Variants in MAP3K13 observed in about 807,000 individuals in gnomAD.
The protein encoded by MAP3K13 is leucine zipper-bearing kinase.
Under a neutral mutation model 104.0 loss-of-function variants are expected in MAP3K13, and 52 were observed. The observed-to-expected ratio is 0.50, with a 90% CI of 0.40 to 0.63. The LOEUF is 0.63. Among genes scored for constraint, MAP3K13 ranks in the 20% least tolerant of loss-of-function variants. The pLI, the probability that MAP3K13 is intolerant of heterozygous loss-of-function variation, is 0.00. For missense variants in MAP3K13, 914 were observed against 1,218.5 expected, an observed-to-expected ratio of 0.75 and a Z score of 3.72; for synonymous variants, 394 against 442.2, an observed-to-expected ratio of 0.89 and a Z score of 1.37.
chr3:185,455,052 T>C (rs1171189224), intron 7 of MAP3K13, among the ~76,000 whole-genome samples: 1 of 94,710 alleles, frequency 1.1e-5, no homozygotes, highest in African/African-American at 3.8e-5. Flanking sequence ...ATATATGAGA[T>C]ATATGTGAGA....
Position 185,455,151 on chromosome 3 carries a change from G to GATATATATGATATATATGAGAT in MAP3K13, c.1278+3763_1278+3784dup, listed in dbSNP as rs1560118530. ...AGATATATATATGATATATATGTGA[G>GATATATATGATATATATGAGAT]ATATATATGATATATATGAGATATA... is the stretch of plus-strand genomic sequence containing the variant. On this transcript the variant is annotated intron_variant, in intron 7 of 13. Transcript: ENST00000265026. Among the ~76,000 whole-genome samples the GATATATATGATATATATGAGAT allele has an allele frequency of 3.4e-4, 17 of 49,560 alleles. 2 individuals carry two copies. The highest frequency in any genetic ancestry group is 9.3e-4 in the Admixed American group (3 of 3,230). The allele number at this position is 49,560 out of a possible 152,430, so 32.5% of individuals were successfully genotyped here.
chr3:185,311,843 A>C (rs1721505564), intron 2 of MAP3K13, among the ~76,000 whole-genome samples: 1 of 152,254 alleles, frequency 6.6e-6, no homozygotes, highest in East Asian at 1.9e-4. Context: ...AAAAAAAAGG[A>C]AACAGCCTAC....
chr3:185,339,599 G>T (rs150756706), intron 2 of MAP3K13, among the ~76,000 whole-genome samples: 16 of 152,274 alleles, frequency 1.1e-4, no homozygotes, highest in African/African-American at 3.6e-4. Flanking sequence ...TTTCTATAAA[G>T]GGCCACATAT....
At chr3:185,414,382 G>A (rs562705291) in intron 1 of MAP3K13, among the ~76,000 whole-genome samples, 1 of 152,048 alleles carries the variant, frequency 6.6e-6, no homozygotes, top group East Asian at 1.9e-4. Flanking sequence ...CTAGACGGTG[G>A]GAAAAGAAAA....
chr3:185,437,930 C>G (rs1275653021), intron 3 of MAP3K13, among the ~76,000 whole-genome samples: 1 of 152,166 alleles, frequency 6.6e-6, no homozygotes, highest in Non-Finnish European at 1.5e-5. Context: ...TCTGCTGCAT[C>G]AACCTCATTT....
intron 2 of MAP3K13, among the ~76,000 whole-genome samples, chr3:185,338,302 C>T (rs1184922525): frequency 6.8e-6 from 1 of 147,740 alleles, no homozygotes. Context: ...TGCATTCCAG[C>T]CTGGGTGACA....
rs142951861 is a variant in MAP3K13 at position 185,363,890 on chromosome 3, A to G, written c.-86+522A>G. 4.9e-3 allele frequency among the ~76,000 whole-genome samples: 753 copies of G among 152,226 alleles called. 5 individuals are homozygous for G. Among genetic ancestry groups the G allele is most frequent in the African/African-American group, 0.015 (639 of 41,556 alleles). On this transcript the variant is annotated intron_variant, in intron 1 of 13. Coordinates refer to ENST00000265026, the MANE Select transcript of MAP3K13 (RefSeq NM_004721.5). ...GGTGAAGATGAATACTTGTTCAACC[A>G]TTTTTCAAAAGCTCTTATGACGGGA... is the stretch of plus-strand genomic sequence containing the variant.
intron 2 of MAP3K13, among the ~76,000 whole-genome samples, chr3:185,325,459 A>G (rs1197466565): frequency 6.6e-6 from 1 of 152,178 alleles, no homozygotes; most frequent in Non-Finnish European, 1.5e-5. Flanking sequence ...GCCACCATTC[A>G]GCCTACTACA....
Position 185,418,773 on chromosome 3 carries a change from C to T in MAP3K13, c.-85-9724C>T, listed in dbSNP as rs1577534277. The T allele has an allele frequency of 1.9e-6, 3 of 1,601,848 alleles. No individual in the cohort carries two copies. The highest frequency in any genetic ancestry group is 2.2e-5 in the East Asian group (1 of 44,632). ...ACACCGATATCATTGGGCGAGCACA[C>T]GCCATGGCGGAGAGAGGAGACAGCC... On this transcript the variant is annotated intron_variant, in intron 1 of 13. Transcript: ENST00000265026. The surrounding 1 kb of genome is among the most constrained non-coding windows in gnomAD (Gnocchi z 4.5).
chr3:185,283,394 G>T (rs1720381393), intron 1 of MAP3K13, among the ~76,000 whole-genome samples: 1 of 152,146 alleles, frequency 6.6e-6, no homozygotes, highest in African/African-American at 2.4e-5. Context: ...GCTAATAGGG[G>T]ACAGGGACCT....
chr3:185,304,226 T>C (rs1721201928), intron 2 of MAP3K13, among the ~76,000 whole-genome samples: 1 of 152,250 alleles, frequency 6.6e-6, no homozygotes, highest in African/African-American at 2.4e-5. Context: ...ACTTGTCATG[T>C]GGCCTAACGT....
chr3:185,462,601 C>T (rs181617434), intron 7 of MAP3K13, among the ~76,000 whole-genome samples: 2 of 152,030 alleles, frequency 1.3e-5, no homozygotes, highest in Admixed American at 6.6e-5. Context: ...GGTGAAATCC[C>T]GCCTCTACTA....
At position 185,484,619 on chromosome 3, in the gene MAP3K13, T is replaced by G. The variant is rs1718636700; in HGVS notation, c.*2163T>G. On this transcript the variant is annotated 3_prime_UTR_variant, in exon 14 of 14. Coordinates refer to ENST00000265026, the MANE Select transcript of MAP3K13 (RefSeq NM_004721.5). ...TTGTTTACACTTTATGTTGATACAT[T>G]GATTTAAAATGTAGTGTCTGTGATT... The G allele has an allele frequency of 6.6e-6, 1 of 152,236 alleles. No individual in the cohort carries two copies. Among genetic ancestry groups the G allele is most frequent in the Admixed American group, 6.5e-5 (1 of 15,276 alleles). The allele number at this position is 152,236 out of a possible 1,614,324, so 9.4% of individuals were successfully genotyped here. A position where few individuals can be genotyped will look rare whatever the true frequency, so the allele number is the denominator to read the frequency against.
intron 2 of MAP3K13, among the ~76,000 whole-genome samples, chr3:185,349,654 G>T (rs1723065449): frequency 1.3e-5 from 2 of 152,188 alleles, no homozygotes; most frequent in South Asian, 4.1e-4. Flanking sequence ...TATTAAGAAA[G>T]GAAACTTTCC....
chr3:185,449,143 G>A (rs1164602973), intron 5 of MAP3K13, among the ~76,000 whole-genome samples: 1 of 152,024 alleles, frequency 6.6e-6, no homozygotes, highest in African/African-American at 2.4e-5. Flanking sequence ...AGGCCAAGGC[G>A]GGTGGATCAC....
At chr3:185,382,728 G>T (rs1360742798) in intron 1 of MAP3K13, among the ~76,000 whole-genome samples, 2 of 152,090 alleles carry the variant, frequency 1.3e-5, no homozygotes, top group African/African-American at 4.8e-5. Context: ...GTACCGGCCG[G>T]GCGCGGTGGC....
chr3:185,418,541 G>A lies in MAP3K13; in HGVS notation c.-85-9956G>A. The A allele has an allele frequency of 1.2e-6, 2 of 1,612,146 alleles. No homozygotes were observed. The highest frequency in any genetic ancestry group is 1.7e-6 in the Non-Finnish European group (2 of 1,179,842). On this transcript the variant is annotated intron_variant, in intron 1 of 13. Transcript: ENST00000265026. The surrounding 1 kb of genome is among the most constrained non-coding windows in gnomAD (Gnocchi z 4.5). ...CCAGAGCGGTGAGTCCCACCACCTC[G>A]AACTCTGGGAATTCGAGCCATAGCT...
intron 1 of MAP3K13, among the ~76,000 whole-genome samples, chr3:185,415,698 C>G (rs35033399): frequency 6.6e-6 from 1 of 150,810 alleles, no homozygotes; most frequent in Non-Finnish European, 1.5e-5. Flanking sequence ...ATTCTCCTGC[C>G]TCAGCCTCCC....
At chr3:185,323,089 T>C (rs1261414501) in intron 2 of MAP3K13, among the ~76,000 whole-genome samples, 3 of 150,930 alleles carry the variant, frequency 2.0e-5, no homozygotes, top group Non-Finnish European at 1.5e-5. Context: ...GTTTTTGAAA[T>C]AGTTAGAGAT....
Sources: allele counts gnomAD v4.1 joint callset (sites outside exome capture counted in the v4.1 genomes callset), GRCh38; gene constraint gnomAD v4.1.1; non-coding constraint Gnocchi (gnomAD v3.1); transcripts MANE v1.5; gene names NCBI Gene and HGNC (gene_info 2026-07-23, HGNC 2026-07-21).